PTPN14: variants seen among roughly 807,000 people sequenced by gnomAD.
The protein encoded by PTPN14 is protein tyrosine phosphatase non-receptor type 14.
Under a neutral mutation model 126.8 loss-of-function variants are expected in PTPN14, and 53 were observed. The ratio of observed to expected loss-of-function variants is 0.42; its 90% CI spans 0.34 to 0.53. PTPN14 has a LOEUF of 0.53. Among genes scored for constraint, PTPN14 ranks in the 20% least tolerant of loss-of-function variants. PTPN14 has a pLI of 0.08. For synonymous variants in PTPN14, 630 were observed against 599.3 expected (o/e 1.05, Z -0.75); for missense variants, 1,257 against 1,552.9 (o/e 0.81, Z 3.20).
At chr1:214,484,685 C>T (rs549749344) in intron 1 of PTPN14, among the ~76,000 whole-genome samples, 5 of 152,076 alleles carry the variant, frequency 3.3e-5, no homozygotes, top group Non-Finnish European at 7.4e-5. Context: ...ACACAAGGTA[C>T]CAGGTGTTTT....
At chr1:214,486,051 T>A (rs1369832054) in intron 1 of PTPN14, among the ~76,000 whole-genome samples, 6 of 152,070 alleles carry the variant, frequency 3.9e-5, no homozygotes, top group Admixed American at 2.6e-4. Context: ...CATTGGTGAG[T>A]CCTTGTTCAC....
Position 214,350,750 on chromosome 1 carries a change from G to C in PTPN14, c.*7172C>G, listed in dbSNP as rs1293857882. ...TTTTTTGTATTTTTAGTAGAGACGG[G>C]ATTTCACCATGTTGGCCAGGCTGGT... On this transcript the variant is annotated 3_prime_UTR_variant, in exon 19 of 19. Transcript: ENST00000366956. 1 of 134,802 alleles carries C rather than the reference G, an allele frequency of 7.4e-6. No homozygotes were observed. The highest frequency in any genetic ancestry group is 1.5e-5 in the Non-Finnish European group (1 of 64,722). The allele number at this position is 134,802 out of a possible 1,614,324, so 8.4% of individuals were successfully genotyped here.
intron 5 of PTPN14, among the ~76,000 whole-genome samples, chr1:214,407,705 A>G (rs553832174): frequency 6.6e-6 from 1 of 152,276 alleles, no homozygotes; most frequent in South Asian, 2.1e-4. Flanking sequence ...GCCATCACTG[A>G]TAAGTTGCCA....
At chr1:214,410,551 A>G (rs1012205749) in intron 5 of PTPN14, among the ~76,000 whole-genome samples, 1 of 152,216 alleles carries the variant, frequency 6.6e-6, no homozygotes, top group Non-Finnish European at 1.5e-5. Flanking sequence ...TAGGCCTCCC[A>G]AAGTGCTGAG....
intron 17 of PTPN14, among the ~76,000 whole-genome samples, chr1:214,367,811 G>T (rs1658116881): frequency 6.6e-6 from 1 of 152,184 alleles, no homozygotes; most frequent in Non-Finnish European, 1.5e-5. Context: ...ATGATGACTG[G>T]CCTGTCTTTC....
At chr1:214,519,407 CCTTA>C (rs1384639698) in intron 1 of PTPN14, among the ~76,000 whole-genome samples, 3 of 152,078 alleles carry the variant, frequency 2.0e-5, no homozygotes, top group African/African-American at 7.2e-5. Context: ...ACTAGAAGCA[CCTTA>C]TTTATTTTCA....
chr1:214,437,655 T>C (rs758455297), intron 3 of PTPN14, among the ~76,000 whole-genome samples: 5 of 152,204 alleles, frequency 3.3e-5, no homozygotes, highest in Admixed American at 6.5e-5. Flanking sequence ...CTCCATTCTG[T>C]TCCTTCTAGG....
chr1:214,412,536 A>G (rs1235566194), intron 4 of PTPN14, among the ~76,000 whole-genome samples: 1 of 152,212 alleles, frequency 6.6e-6, no homozygotes, highest in Non-Finnish European at 1.5e-5. Flanking sequence ...CAAATTACCA[A>G]TTAGGTGCAG....
At chr1:214,527,334 A>C (rs2102464819) in intron 1 of PTPN14, among the ~76,000 whole-genome samples, 1 of 152,290 alleles carries the variant, frequency 6.6e-6, no homozygotes, top group Non-Finnish European at 1.5e-5. Context: ...TTCGATCAGG[A>C]GTAACCAATG....
intron 3 of PTPN14, among the ~76,000 whole-genome samples, chr1:214,440,037 G>A (rs939058118): frequency 2.0e-5 from 3 of 152,152 alleles, no homozygotes; most frequent in African/African-American, 7.2e-5. Context: ...CTAAGGGGAG[G>A]GGAGGGGAGG....
chr1:214,511,943 A>T (rs1654983783), intron 1 of PTPN14, among the ~76,000 whole-genome samples: 2 of 151,822 alleles, frequency 1.3e-5, no homozygotes, highest in Non-Finnish European at 2.9e-5. Flanking sequence ...CATCCATCAC[A>T]GGGCCAGTTG....
intron 3 of PTPN14, among the ~76,000 whole-genome samples, chr1:214,434,052 A>G (rs889746242): frequency 6.6e-6 from 1 of 151,520 alleles, no homozygotes; most frequent in Non-Finnish European, 1.5e-5. Flanking sequence ...GGTTCACTTG[A>G]GCCCAGGAGT....
In PTPN14 at chr1:214,358,029, G is replaced by A. The variant is rs758220379; in HGVS notation, c.3457C>T (p.Leu1153=). The A allele has an allele frequency of 9.9e-6, 16 of 1,613,368 alleles. No individual in the cohort carries two copies. In the African/African-American group the frequency reaches 1.9e-4, roughly 19 times the overall value. The stretch of plus-strand genomic sequence containing the variant: ...ATCCTCTGCTCCCTGAGGAGCCTCA[G>A]CATCATGGGCACTTCCACCTTCTGC... The part of the protein sequence containing the change: ...HNEKVEVPMM[L]RLLREQRMFM... Residue 1153 remains leucine (L), a synonymous_variant, in exon 19 of 19, where the codon CTG becomes TTG. Transcript: ENST00000366956.
intron 3 of PTPN14, among the ~76,000 whole-genome samples, chr1:214,420,513 A>G (rs746706927): frequency 2.0e-5 from 3 of 152,250 alleles, no homozygotes; most frequent in Non-Finnish European, 4.4e-5. Context: ...AACTAGTGAA[A>G]AAAAGCCAAT....
intron 6 of PTPN14, among the ~76,000 whole-genome samples, chr1:214,402,653 GGA>G (rs1406678205): frequency 1.8e-5 from 2 of 109,006 alleles, no homozygotes; most frequent in African/African-American, 6.6e-5. Context: ...AAGGAAGGAA[GGA>G]AGGAAGGAAG....
At chr1:214,401,281 A>G (rs1001519576) in intron 7 of PTPN14, among the ~76,000 whole-genome samples, 1 of 152,228 alleles carries the variant, frequency 6.6e-6, no homozygotes, top group African/African-American at 2.4e-5. Context: ...GTTTCATTCT[A>G]CCTCACAAAC....
intron 1 of PTPN14, among the ~76,000 whole-genome samples, chr1:214,527,099 GA>G (rs111756250): frequency 1.9e-3 from 245 of 127,834 alleles, no homozygotes; most frequent in Middle Eastern, 8.3e-3. Context: ...CTCCAAAAAA[GA>G]AAAAAAAAAA....
rs372985987 is a variant in PTPN14 at position 214,464,775 on chromosome 1, G to C, written c.29C>G (p.Thr10Arg). MPFGLKLRR[T>R]RRYNVLSKNC... ...CTTGCTCAGGACGTTGTAGCGCCGT[G>C]TCCGGCGGAGCTTCAGACCAAAAGG... The change falls in exon 2 of 19, where the codon ACA (threonine) becomes AGA (arginine). Residue 10 changes from threonine to arginine, a missense_variant. Coordinates refer to ENST00000366956, the MANE Select transcript of PTPN14 (RefSeq NM_005401.5). 8.1e-6 allele frequency: 13 copies of C among 1,614,154 alleles called. No homozygotes were observed. Among genetic ancestry groups the C allele is most frequent in the African/African-American group, 2.7e-5 (2 of 74,960 alleles).
At chr1:214,547,383 T>C (rs1274189159) in intron 1 of PTPN14, among the ~76,000 whole-genome samples, 2 of 152,236 alleles carry the variant, frequency 1.3e-5, no homozygotes, top group Non-Finnish European at 2.9e-5. Context: ...GAACACACGC[T>C]GCATACCTGC....
Sources: allele counts gnomAD v4.1 joint callset (sites outside exome capture counted in the v4.1 genomes callset), GRCh38; gene constraint gnomAD v4.1.1; transcripts MANE v1.5; gene names NCBI Gene and HGNC (gene_info 2026-07-23, HGNC 2026-07-21).